Variants in APOOL observed in about 807,000 individuals in gnomAD.
APOOL encodes the protein apolipoprotein O like, also known as MICOS complex subunit MIC27.
In APOOL, 12 loss-of-function variants were observed where a neutral mutation model predicts 23.1. That is an observed-to-expected ratio of 0.52 (90% CI 0.33 to 0.84). The LOEUF (loss-of-function observed/expected upper bound fraction) is 0.84, where lower values mean the gene tolerates loss of function less well. APOOL is among the 40% of genes least tolerant of loss of function. APOOL has a pLI of 0.02. For synonymous variants in APOOL, 77 were observed against 69.9 expected (o/e 1.10, Z -0.51); for missense variants, 212 against 199.6 (o/e 1.06, Z -0.37).
At chrX:85,022,354 T>C (rs1370155078) in intron 1 of APOOL, among the ~76,000 whole-genome samples, 1 of 111,898 alleles carries the variant, frequency 8.9e-6, no homozygotes, top group Non-Finnish European at 1.9e-5. Flanking sequence ...ACTAGTAAAC[T>C]GAACTCAACA....
At chrX:85,054,247 C>A (rs1356741102) in intron 3 of APOOL, 97 bp from the exon 4 acceptor site, 2 of 769,666 alleles carry the variant, frequency 2.6e-6, no homozygotes, top group African/African-American at 4.3e-5. Flanking sequence ...AATGTTAAGT[C>A]AACCTTTTAA....
At chrX:85,078,074 G>A (rs1923929889) in intron 8 of APOOL, among the ~76,000 whole-genome samples, 1 of 111,756 alleles carries the variant, frequency 8.9e-6, no homozygotes, top group Admixed American at 9.5e-5. Context: ...CTTTTGCTGT[G>A]AAGAAGCTCT....
At chrX:85,066,673 G>T (rs1923471288) in intron 5 of APOOL, among the ~76,000 whole-genome samples, 1 of 110,700 alleles carries the variant, frequency 9.0e-6, no homozygotes, top group Admixed American at 9.7e-5. Context: ...TGATTTAGTT[G>T]AGTCATTCAC....
At chrX:85,010,412 G>A (rs1176457444) in intron 1 of APOOL, among the ~76,000 whole-genome samples, 1 of 111,565 alleles carries the variant, frequency 9.0e-6, no homozygotes, top group Admixed American at 9.5e-5. Flanking sequence ...AAATGGGTGA[G>A]TTCTTTAGTG....
chrX:85,072,398 A>G (rs1923700283), intron 6 of APOOL, among the ~76,000 whole-genome samples: 1 of 111,241 alleles, frequency 9.0e-6, no homozygotes, highest in Non-Finnish European at 1.9e-5. Context: ...GCTGCAGTAT[A>G]TTGCTGACTT....
intron 1 of APOOL, among the ~76,000 whole-genome samples, chrX:85,017,408 C>T (rs375884840): frequency 5.4e-4 from 60 of 111,886 alleles, no homozygotes; most frequent in African/African-American, 1.9e-3. Context: ...CAGACCTGCC[C>T]TGGGCCATAA....
intron 1 of APOOL, among the ~76,000 whole-genome samples, chrX:85,035,214 G>GT (rs755317654): frequency 3.6e-5 from 4 of 111,282 alleles, no homozygotes; most frequent in Non-Finnish European, 7.5e-5. Context: ...AATTAGTGCT[G>GT]TTGAGCTTAT....
At chrX:85,068,559 C>A in intron 6 of APOOL, among the ~76,000 whole-genome samples, 1 of 108,731 alleles carries the variant, frequency 9.2e-6, no homozygotes, top group East Asian at 2.9e-4. Context: ...GCTCCCACCA[C>A]CACGTCCAGC....
At chrX:85,017,178 T>G (rs1921505961) in intron 1 of APOOL, among the ~76,000 whole-genome samples, 1 of 111,692 alleles carries the variant, frequency 9.0e-6, no homozygotes, top group Non-Finnish European at 1.9e-5. Context: ...GGGGCTTGCA[T>G]AGGCCTGTGT....
At chrX:85,080,122 C>T (rs753677352) in intron 8 of APOOL, among the ~76,000 whole-genome samples, 6 of 111,047 alleles carry the variant, frequency 5.4e-5, no homozygotes, top group African/African-American at 2.0e-4. Context: ...TTATTTCTTG[C>T]CTTCTGCTAG....
At chrX:85,052,179 T>C (rs890458706) in intron 3 of APOOL, among the ~76,000 whole-genome samples, 1 of 112,341 alleles carries the variant, frequency 8.9e-6, no homozygotes, top group African/African-American at 3.2e-5. Flanking sequence ...TCACTCACTT[T>C]TTATGTGAAG....
intron 8 of APOOL, among the ~76,000 whole-genome samples, chrX:85,078,931 C>T (rs1569460833): frequency 9.0e-6 from 1 of 111,632 alleles, no homozygotes; most frequent in Non-Finnish European, 1.9e-5. Context: ...GATTTTTGCA[C>T]ATTGATTTTG....
intron 8 of APOOL, among the ~76,000 whole-genome samples, chrX:85,084,912 A>G (rs1468733916): frequency 1.8e-5 from 2 of 111,016 alleles, no homozygotes; most frequent in African/African-American, 6.5e-5. Flanking sequence ...TCACATGCCT[A>G]CTATATAGTG....
At chrX:85,027,485 G>T (rs986311226) in intron 1 of APOOL, among the ~76,000 whole-genome samples, 4 of 111,625 alleles carry the variant, frequency 3.6e-5, no homozygotes, top group South Asian at 3.8e-4. Context: ...CTTGTTATTG[G>T]TGTTGCATGT....
chrX:85,060,258 C>T (rs1473612648), intron 5 of APOOL, among the ~76,000 whole-genome samples: 2 of 103,997 alleles, frequency 1.9e-5, no homozygotes, highest in Non-Finnish European at 3.9e-5. Flanking sequence ...GGTACCAGTA[C>T]CATGCTGTTT....
At position 85,091,281 on chromosome X, in the gene APOOL, A is replaced by G. The variant is rs762153903; in HGVS notation, c.*3603A>G. On this transcript the variant is annotated 3_prime_UTR_variant, in exon 9 of 9. Transcript: ENST00000373173. ...TAAATAATAAAAAATAAAGGTATATAATATGTCTTAGATTTGATGAAATAT... is the reference window on the plus strand; with the variant it reads ...TAAATAATAAAAAATAAAGGTATATGATATGTCTTAGATTTGATGAAATAT... The G allele has an allele frequency of 1.8e-5, 2 of 112,394 alleles. No homozygotes were observed. The highest frequency in any genetic ancestry group is 6.4e-5 in the African/African-American group (2 of 31,028). The allele number at this position is 112,394 out of a possible 1,213,427, so 9.3% of individuals were successfully genotyped here. A position where few individuals can be genotyped will look rare whatever the true frequency, so the allele number is the denominator to read the frequency against.
chrX:85,083,834 A>G (rs1173876842), intron 8 of APOOL, among the ~76,000 whole-genome samples: 1 of 111,927 alleles, frequency 8.9e-6, no homozygotes, highest in Non-Finnish European at 1.9e-5. Flanking sequence ...CATAAGGGCT[A>G]TTTGAGACTA....
chrX:85,022,139 T>C (rs1233526561), intron 1 of APOOL, among the ~76,000 whole-genome samples: 1 of 112,475 alleles, frequency 8.9e-6, no homozygotes, highest in Non-Finnish European at 1.9e-5. Flanking sequence ...ATGGCTTCAC[T>C]GCTGAATTCT....
intron 1 of APOOL, among the ~76,000 whole-genome samples, chrX:85,015,846 G>T (rs1244161555): frequency 2.7e-5 from 3 of 111,575 alleles, no homozygotes; most frequent in Non-Finnish European, 5.6e-5. Flanking sequence ...GGGATTACCG[G>T]CATGAGCCAC....
Sources: gnomAD v4.1 joint callset for allele counts (sites outside exome capture counted in the v4.1 genomes callset) on GRCh38, gnomAD v4.1.1 for gene constraint, MANE v1.5 for transcripts, NCBI Gene and HGNC (gene_info 2026-07-23, HGNC 2026-07-21) for gene names.